The following OR3A2 variants were observed in gnomAD, a reference collection of about 807,000 sequenced individuals.
OR3A2 encodes olfactory receptor family 3 subfamily A member 2.
For synonymous variants in OR3A2, 126 were observed against 159.3 expected (o/e 0.79, Z 1.57); for missense variants, 318 against 392.8 (o/e 0.81, Z 1.61).
rs2048749480 is a variant in OR3A2 at position 3,277,881 on chromosome 17, A to T, written c.*89T>A. The T allele has an allele frequency of 3.6e-6, 5 of 1,377,750 alleles. No individual in the cohort carries two copies. In the South Asian group the frequency reaches 7.1e-5, roughly 20 times the overall value. 85.3% of individuals were successfully genotyped at this position (1,377,750 alleles called of 1,614,324 possible). ...TCAAGCATCAGGAGATAGGAAAAAT[A>T]GTTGTGGCTGAATTTTTCCTGGTTA... On this transcript the variant is annotated 3_prime_UTR_variant, in exon 2 of 2. Transcript: ENST00000642052.
chr17:3,342,738 G>T (rs962703730), intron 2 of OR3A2, among the ~76,000 whole-genome samples: 4 of 152,226 alleles, frequency 2.6e-5, no homozygotes, highest in Non-Finnish European at 5.9e-5. Flanking sequence ...CTGGGGGTCA[G>T]GGACCCACTT....
At chr17:3,353,115 GTTC>G (rs1423797575) in intron 2 of OR3A2, among the ~76,000 whole-genome samples, 1 of 98,832 alleles carries the variant, frequency 1.0e-5, no homozygotes, top group East Asian at 1.0e-3. Context: ...TTGCTTATAA[GTTC>G]TTTTTTTTTT....
rs1481294180 is a variant in OR3A2, at chr17:3,316,477, C to T, written c.-85+19556G>A. Among the ~76,000 whole-genome samples the T allele has an allele frequency of 3.3e-5, 5 of 152,302 alleles. No individual in the cohort carries two copies. In the East Asian group the frequency reaches 9.6e-4, roughly 29 times the overall value. ...TCCATCCTACCATCTGTGTCCAGCC[C>T]AGAGAAAAGCTCTACTAGGACTCAG... On this transcript the variant is annotated intron_variant, in intron 3 of 4. Coordinates refer to the OR3A2 transcript ENST00000573491.
intron 2 of OR3A2, among the ~76,000 whole-genome samples, chr17:3,350,560 G>C (rs1398560164): frequency 6.6e-6 from 1 of 151,030 alleles, no homozygotes; most frequent in Non-Finnish European, 1.5e-5. Flanking sequence ...CAACCAAAAA[G>C]AGTCCAGGAC....
chr17:3,321,281 TGA>T (rs2049119632), intron 3 of OR3A2, among the ~76,000 whole-genome samples: 2 of 152,088 alleles, frequency 1.3e-5, no homozygotes, highest in Admixed American at 1.3e-4. Context: ...GATTTTGGGC[TGA>T]GACAATGGAG....
chr17:3,296,432 G>A (rs898989377), intron 3 of OR3A2, among the ~76,000 whole-genome samples: 4 of 151,918 alleles, frequency 2.6e-5, no homozygotes, highest in Non-Finnish European at 5.9e-5. Flanking sequence ...GGAACCATAA[G>A]AAAAGTCATA....
intron 3 of OR3A2, among the ~76,000 whole-genome samples, chr17:3,332,902 A>G (rs1399738403): frequency 6.6e-6 from 1 of 152,168 alleles, no homozygotes; most frequent in Non-Finnish European, 1.5e-5. Context: ...GTACAAACTG[A>G]TTGTAAAACG....
At chr17:3,371,361 C>T (rs2049616659) in intron 2 of OR3A2, among the ~76,000 whole-genome samples, 2 of 150,386 alleles carry the variant, frequency 1.3e-5, no homozygotes, top group African/African-American at 4.9e-5. Context: ...AGGCGGCTGG[C>T]CGGGCGGGGG....
rs1189001040 is a variant in OR3A2 at position 3,291,872 on chromosome 17, C to G, written c.-84-12719G>C. 2.5e-6 allele frequency: 4 copies of G among 1,614,230 alleles called. No individual in the cohort carries two copies. In the African/African-American group the frequency reaches 5.3e-5, roughly 22 times the overall value. On this transcript the variant is annotated intron_variant, in intron 3 of 4. Coordinates refer to the OR3A2 transcript ENST00000573491. ...AGCCACATGTGGAGAAGGCTTTCTT[C>G]CTGCCCTCTACAGAGCGAATTCGCA...
At chr17:3,337,329 G>C (rs866835191) in intron 2 of OR3A2, among the ~76,000 whole-genome samples, 5 of 152,066 alleles carry the variant, frequency 3.3e-5, no homozygotes, top group African/African-American at 1.2e-4. Context: ...CAACGTGCAG[G>C]TTTGTTATAT....
chr17:3,369,245 T>C (rs1474319276), intron 2 of OR3A2, among the ~76,000 whole-genome samples: 1 of 152,212 alleles, frequency 6.6e-6, no homozygotes, highest in East Asian at 1.9e-4. Flanking sequence ...TCTTGTCTGA[T>C]TGCTCTGGCT....
intron 2 of OR3A2, among the ~76,000 whole-genome samples, chr17:3,378,173 A>T (rs1367354536): frequency 6.6e-6 from 1 of 152,102 alleles, no homozygotes; most frequent in Non-Finnish European, 1.5e-5. Context: ...TGCCTTTTAC[A>T]TGCTGTCTGT....
At chr17:3,335,706 C>T (rs1055384068) in intron 3 of OR3A2, among the ~76,000 whole-genome samples, 3 of 152,120 alleles carry the variant, frequency 2.0e-5, no homozygotes, top group Non-Finnish European at 2.9e-5. Flanking sequence ...GAACAAAAGT[C>T]CCATGAGGCA....
chr17:3,361,169 T>G (rs1301844709), intron 2 of OR3A2, among the ~76,000 whole-genome samples: 1 of 150,322 alleles, frequency 6.7e-6, no homozygotes, highest in Non-Finnish European at 1.5e-5. Flanking sequence ...TATTTTATTC[T>G]CTTTGAAGCA....
At chr17:3,293,878 C>T in intron 3 of OR3A2, among the ~76,000 whole-genome samples, 1 of 152,148 alleles carries the variant, frequency 6.6e-6, no homozygotes, top group East Asian at 1.9e-4. Context: ...ACACTGCATG[C>T]CCTCACTTAT....
At chr17:3,346,857 C>G (rs751179208) in intron 2 of OR3A2, among the ~76,000 whole-genome samples, 16 of 152,286 alleles carry the variant, frequency 1.1e-4, no homozygotes, top group Non-Finnish European at 1.9e-4. Flanking sequence ...CATGTTTTTG[C>G]AAATGACTGA....
At chr17:3,377,353 A>G (rs1414948475) in intron 2 of OR3A2, among the ~76,000 whole-genome samples, 1 of 152,194 alleles carries the variant, frequency 6.6e-6, no homozygotes, top group Non-Finnish European at 1.5e-5. Context: ...GACAATATAT[A>G]AGCAATAAAG....
Position 3,352,443 on chromosome 17 carries a change from CAG to C in OR3A2, c.-178-16319_-178-16318del, listed in dbSNP as rs375007670. The stretch of plus-strand genomic sequence containing the variant: ...TTTGATTTTTATTTATGATGAGAGA[CAG>C]GGGTCTAGTTTTATTCTTCTGACTA... On this transcript the variant is annotated intron_variant, in intron 2 of 4. Coordinates refer to the OR3A2 transcript ENST00000573491. Among the ~76,000 whole-genome samples, 368 of 151,878 alleles carry C rather than the reference CAG, an allele frequency of 2.4e-3. 1 individual carries two copies. The highest frequency in any genetic ancestry group is 0.017 in the Middle Eastern group (5 of 294).
rs140772868 is a variant in OR3A2, at chr17:3,324,269, T to G, written c.-85+11764A>C. On this transcript the variant is annotated intron_variant, in intron 3 of 4. Transcript: ENST00000573491. ...TAGTTATCCATTCGTCTTGATTTTTTTTCACAGTTTTTAACTTCTTTGCCA... is the reference window on the plus strand; with the variant it reads ...TAGTTATCCATTCGTCTTGATTTTTGTTCACAGTTTTTAACTTCTTTGCCA... 5.1e-3 allele frequency among the ~76,000 whole-genome samples: 780 copies of G among 152,210 alleles called. 12 individuals carry two copies. The highest frequency in any genetic ancestry group is 0.018 in the African/African-American group (744 of 41,488).
Sources: allele counts gnomAD v4.1 joint callset (sites outside exome capture counted in the v4.1 genomes callset), GRCh38; gene constraint gnomAD v4.1.1; transcripts MANE v1.5; gene names NCBI Gene and HGNC (gene_info 2026-07-23, HGNC 2026-07-21).